PLA2G4E: variants seen among roughly 807,000 people sequenced by gnomAD.
PLA2G4E encodes the protein cytosolic phospholipase A2 epsilon.
A neutral mutation model predicts 109.1 loss-of-function variants in PLA2G4E; 84 were observed. That is an observed-to-expected ratio of 0.77 (90% CI 0.65 to 0.92). PLA2G4E has a LOEUF of 0.92. PLA2G4E is among the 40% of genes least tolerant of loss of function. PLA2G4E has a pLI of 0.00. For missense variants in PLA2G4E, 1,057 were observed against 1,076.6 expected, an observed-to-expected ratio of 0.98 and a Z score of 0.25; for synonymous variants, 469 against 436.1, an observed-to-expected ratio of 1.08 and a Z score of -0.94.
chr15:42,042,713 C>G lies in PLA2G4E; in HGVS notation c.183+7808G>C, dbSNP rs539633305. Among the ~76,000 whole-genome samples, 87 of 152,296 alleles carry G rather than the reference C, an allele frequency of 5.7e-4. 1 individual carries two copies. Among genetic ancestry groups the G allele is most frequent in the African/African-American group, 2.0e-3 (83 of 41,572 alleles). ...ATTTTTTCTCAAGAGCTGGGAAGCCCTTTCTTCCTTCTACTAAGCAGCTGG... is the reference window on the plus strand; with the variant it reads ...ATTTTTTCTCAAGAGCTGGGAAGCCGTTTCTTCCTTCTACTAAGCAGCTGG... On this transcript the variant is annotated intron_variant, in intron 1 of 19. Transcript: ENST00000399518.
At chr15:42,021,229 G>A (rs539151092) in intron 1 of PLA2G4E, among the ~76,000 whole-genome samples, 187 bp from the exon 1 acceptor site, 12 of 151,748 alleles carry the variant, frequency 7.9e-5, no homozygotes, top group East Asian at 5.8e-4. Flanking sequence ...ACAGGGACCC[G>A]CAGGGCTCTG....
chr15:42,049,379 G>A (rs1010384841), intron 1 of PLA2G4E, among the ~76,000 whole-genome samples: 2 of 152,130 alleles, frequency 1.3e-5, no homozygotes, highest in South Asian at 2.1e-4. Flanking sequence ...TGCGGGCAGC[G>A]GCCTCATGAC....
chr15:41,981,637 C>T (rs988423168), exon 20 of PLA2G4E: 1 of 152,228 alleles, frequency 6.6e-6, no homozygotes, highest in Admixed American at 6.5e-5. Context: ...TTTTATAAAC[C>T]TCGTTTCACA....
At chr15:42,040,163 C>G (rs141684881) in intron 1 of PLA2G4E, among the ~76,000 whole-genome samples, 1 of 151,672 alleles carries the variant, frequency 6.6e-6, no homozygotes, top group Non-Finnish European at 1.5e-5. Flanking sequence ...TAGTGAGACC[C>G]CCTCCATCAT....
intron 15 of PLA2G4E, among the ~76,000 whole-genome samples, chr15:41,988,439 G>C (rs1416290772): frequency 2.0e-5 from 3 of 152,142 alleles, no homozygotes; most frequent in Admixed American, 2.0e-4. Context: ...GCAAGTGCAG[G>C]CTTTGAGTTT....
At chr15:42,003,512 A>C (rs2068441924) in intron 5 of PLA2G4E, among the ~76,000 whole-genome samples, 1 of 152,242 alleles carries the variant, frequency 6.6e-6, no homozygotes, top group Non-Finnish European at 1.5e-5. Flanking sequence ...GCCACTTTCT[A>C]ATTCAGCCTA....
intron 2 of PLA2G4E, among the ~76,000 whole-genome samples, chr15:42,009,587 C>T (rs986617776): frequency 1.4e-4 from 21 of 152,208 alleles, no homozygotes; most frequent in African/African-American, 4.6e-4. Context: ...TCCCCAGCCT[C>T]AGTCTCATCT....
chr15:41,984,742 C>T lies in PLA2G4E; in HGVS notation c.2203-123G>A, dbSNP rs2068113745. The stretch of plus-strand genomic sequence containing the variant: ...ACAACTCAGCTCCCCAACTGCTTTG[C>T]CAGTGTATGGTATTTTGAGACTAAA... On this transcript the variant is annotated intron_variant, in intron 18 of 19. Coordinates refer to ENST00000399518, the Ensembl canonical transcript of PLA2G4E. 1.2e-5 allele frequency: 11 copies of T among 927,984 alleles called. No homozygotes were observed. In the South Asian group the frequency reaches 3.0e-4, roughly 26 times the overall value. The allele number at this position is 927,984 out of a possible 1,614,324, so 57.5% of individuals were successfully genotyped here. A position where few individuals can be genotyped will look rare whatever the true frequency, so the allele number is the denominator to read the frequency against.
At chr15:42,042,717 C>A (rs926102285) in intron 1 of PLA2G4E, among the ~76,000 whole-genome samples, 12 of 152,202 alleles carry the variant, frequency 7.9e-5, no homozygotes, top group Non-Finnish European at 1.2e-4. Flanking sequence ...GAAGCCCTTT[C>A]TTCCTTCTAC....
chr15:41,987,462 C>A, intron 16 of PLA2G4E, 87 bp from the exon 17 acceptor site: 4 of 1,284,648 alleles, frequency 3.1e-6, no homozygotes, highest in Non-Finnish European at 4.4e-6. Context: ...TTGCCTGGCA[C>A]CCAGGGGTGA....
intron 1 of PLA2G4E, 125 bp from the exon 2 acceptor site, chr15:42,013,882 G>GTGT: frequency 7.5e-6 from 1 of 132,742 alleles, no homozygotes; most frequent in Non-Finnish European, 1.3e-5. Context: ...CCCTAGGCTG[G>GTGT]TTTTTTTTTT....
intron 1 of PLA2G4E, among the ~76,000 whole-genome samples, chr15:42,021,360 T>C (rs932857017): frequency 2.6e-5 from 4 of 151,914 alleles, no homozygotes. Flanking sequence ...CCCGCCATAA[T>C]TTGGGAAAGC....
At chr15:42,039,661 A>G (rs1445901970) in intron 1 of PLA2G4E, among the ~76,000 whole-genome samples, 1 of 152,146 alleles carries the variant, frequency 6.6e-6, no homozygotes, top group East Asian at 1.9e-4. Context: ...TTCTATAAAA[A>G]TCATAGCCAC....
chr15:42,006,029 G>A (rs369160368), exon 4 of PLA2G4E: 132 of 1,613,878 alleles, frequency 8.2e-5, no homozygotes, highest in Admixed American at 5.3e-4. Flanking sequence ...TTTTCTTTCG[G>A]AAACAGAGCT....
Position 41,987,385 on chromosome 15 carries a change from A to C in PLA2G4E, c.1832-10T>G, listed in dbSNP as rs988626023. ...AGGATCGGCTCGTCTTCTGCAGGGG[A>C]GGGAGGGATGAAGGGCAGGTCATGA... is the stretch of plus-strand genomic sequence containing the variant. On this transcript the variant is annotated splice_polypyrimidine_tract_variant and intron_variant, in intron 16 of 19. Coordinates refer to ENST00000399518, the Ensembl canonical transcript of PLA2G4E. 1 of 1,609,458 alleles carries C rather than the reference A, an allele frequency of 6.2e-7. No individual in the cohort carries two copies. The highest frequency in any genetic ancestry group is 8.5e-7 in the Non-Finnish European group (1 of 1,177,406).
intron 1 of PLA2G4E, among the ~76,000 whole-genome samples, chr15:42,028,368 TTTATTTATTTATTTAC>T (rs560238662): frequency 0.14 from 19,438 of 143,948 alleles, 1,660 homozygotes; most frequent in South Asian, 0.21. Flanking sequence ...GCGTTTTTAT[TTTATTTATTTATTTAC>T]TTATTTATTT....
chr15:41,995,275 C>T (rs994664433), intron 12 of PLA2G4E, 85 bp downstream of exon 12: 27 of 1,509,398 alleles, frequency 1.8e-5, no homozygotes, highest in East Asian at 2.3e-5. Context: ...CTTTGGGTGG[C>T]GGGGAGGAGC....
chr15:41,999,700 C>T, intron 9 of PLA2G4E, 139 bp from the exon 10 acceptor site: 1 of 1,184,738 alleles, frequency 8.4e-7, no homozygotes, highest in African/African-American at 1.5e-5. Context: ...CTCTTCTGGA[C>T]ACAATCTCCC....
At position 42,013,888 on chromosome 15, in the gene PLA2G4E, T is replaced by G. The variant is rs1272922684; in HGVS notation, c.184-131A>C. On this transcript the variant is annotated intron_variant, in intron 1 of 19. Coordinates refer to ENST00000399518, the Ensembl canonical transcript of PLA2G4E. ...TACAACAACCCCTAGGCTGGTTTTT[T>G]TTTTTTTTTTTTTTTTTTTTTTTAC... 8.2e-6 allele frequency: 4 copies of G among 487,682 alleles called. No individual in the cohort carries two copies. In the South Asian group the frequency reaches 9.6e-5, roughly 12 times the overall value. The allele number at this position is 487,682 out of a possible 1,614,324, so 30.2% of individuals were successfully genotyped here.
Sources: gnomAD v4.1 joint callset for allele counts (sites outside exome capture counted in the v4.1 genomes callset) on GRCh38, gnomAD v4.1.1 for gene constraint, MANE v1.5 for transcripts, NCBI Gene and HGNC (gene_info 2026-07-23, HGNC 2026-07-21) for gene names.